Variants in IMMP2L observed in about 807,000 individuals in gnomAD.
IMMP2L encodes mitochondrial inner membrane protease subunit 2.
In IMMP2L, 18 loss-of-function variants were observed where a neutral mutation model predicts 19.3. That is an observed-to-expected ratio of 0.93 (90% CI 0.64 to 1.38). IMMP2L has a LOEUF of 1.38. IMMP2L is among the 40% of genes most tolerant of loss of function. The probability of loss-of-function intolerance (pLI) is 0.00; values close to 1 mark genes in which losing one functional copy is unlikely to be tolerated. For synonymous variants in IMMP2L, 76 were observed against 73.0 expected (o/e 1.04, Z -0.21); for missense variants, 233 against 218.2 (o/e 1.07, Z -0.43).
chr7:111,365,494 T>C (rs1829681947), intron 3 of IMMP2L, among the ~76,000 whole-genome samples: 1 of 152,042 alleles, frequency 6.6e-6, no homozygotes, highest in Non-Finnish European at 1.5e-5. Context: ...CTATGATAAA[T>C]ATATAAAGGA....
intron 3 of IMMP2L, among the ~76,000 whole-genome samples, chr7:111,112,017 G>C (rs1448115904): frequency 1.5e-5 from 2 of 136,394 alleles, no homozygotes; most frequent in Non-Finnish European, 3.0e-5. Flanking sequence ...GTGCGATCTC[G>C]GCTCACTGCA....
chr7:111,226,904 A>G (rs1813168172), intron 3 of IMMP2L, among the ~76,000 whole-genome samples: 1 of 152,086 alleles, frequency 6.6e-6, no homozygotes, highest in South Asian at 2.1e-4. Context: ...TACATAGAAA[A>G]TACATGAGCA....
intron 3 of IMMP2L, among the ~76,000 whole-genome samples, chr7:111,255,635 A>G (rs1265893303): frequency 6.6e-6 from 1 of 152,044 alleles, no homozygotes; most frequent in Non-Finnish European, 1.5e-5. Flanking sequence ...ACAAGTTTAC[A>G]GAAGAGGAAA....
At chr7:110,770,340 A>G (rs1373341518) in intron 5 of IMMP2L, among the ~76,000 whole-genome samples, 3 of 152,156 alleles carry the variant, frequency 2.0e-5, no homozygotes, top group Admixed American at 2.0e-4. Flanking sequence ...ATATAATGGC[A>G]CTCATTAGTG....
chr7:111,094,487 T>C (rs1016237312), intron 3 of IMMP2L, among the ~76,000 whole-genome samples: 3 of 152,156 alleles, frequency 2.0e-5, no homozygotes, highest in African/African-American at 7.2e-5. Context: ...AAATGTTCCA[T>C]GTAGACCTGG....
chr7:110,857,677 A>C (rs1261200527), intron 5 of IMMP2L, among the ~76,000 whole-genome samples: 1 of 152,076 alleles, frequency 6.6e-6, no homozygotes, highest in African/African-American at 2.4e-5. Flanking sequence ...TACCACTTTA[A>C]GGGATTCAAA....
intron 3 of IMMP2L, among the ~76,000 whole-genome samples, chr7:111,000,304 A>G (rs1257124100): frequency 6.6e-6 from 1 of 152,166 alleles, no homozygotes; most frequent in Non-Finnish European, 1.5e-5. Flanking sequence ...AGGTAAGCAC[A>G]TATTCCAAGT....
intron 5 of IMMP2L, among the ~76,000 whole-genome samples, chr7:110,675,553 G>A (rs1290411081): frequency 6.6e-6 from 1 of 151,986 alleles, no homozygotes; most frequent in Admixed American, 6.6e-5. Flanking sequence ...ATTACTATTG[G>A]GTTAATAAAT....
intron 3 of IMMP2L, among the ~76,000 whole-genome samples, chr7:111,333,819 C>T (rs943123288): frequency 1.3e-5 from 2 of 152,084 alleles, no homozygotes; most frequent in Admixed American, 6.6e-5. Context: ...CTTTGTAATT[C>T]GGACTGGCTT....
intron 5 of IMMP2L, among the ~76,000 whole-genome samples, chr7:110,815,686 T>C (rs1249284252): frequency 1.3e-5 from 2 of 152,154 alleles, no homozygotes. Context: ...CTTCCTGGTT[T>C]AGTCTTGGGA....
At chr7:111,113,975 A>G (rs961132989) in intron 3 of IMMP2L, among the ~76,000 whole-genome samples, 1 of 152,212 alleles carries the variant, frequency 6.6e-6, no homozygotes, top group Non-Finnish European at 1.5e-5. Context: ...TGAAATGTGT[A>G]AAATACAAAT....
intron 5 of IMMP2L, among the ~76,000 whole-genome samples, chr7:110,716,164 G>A (rs1449785270): frequency 1.3e-5 from 2 of 151,738 alleles, no homozygotes; most frequent in African/African-American, 2.4e-5. Flanking sequence ...TCTGTCTGTC[G>A]TGCAAATGGA....
At chr7:110,944,369 C>A (rs545975019) in intron 4 of IMMP2L, among the ~76,000 whole-genome samples, 3 of 151,868 alleles carry the variant, frequency 2.0e-5, no homozygotes, top group Non-Finnish European at 4.4e-5. Context: ...GGATCTGCCA[C>A]ATTCAGGATA....
At chr7:111,242,515 G>GA (rs1461193812) in intron 3 of IMMP2L, among the ~76,000 whole-genome samples, 2 of 152,058 alleles carry the variant, frequency 1.3e-5, no homozygotes, top group African/African-American at 2.4e-5. Context: ...TTGGAGTGGG[G>GA]AAAAAAATCC....
chr7:110,807,332 C>A (rs1475931074), intron 5 of IMMP2L, among the ~76,000 whole-genome samples: 2 of 151,852 alleles, frequency 1.3e-5, no homozygotes, highest in Non-Finnish European at 2.9e-5. Context: ...ATTTCTTTGG[C>A]CATTAAAAAA....
At chr7:111,458,734 C>A (rs1309489096) in intron 3 of IMMP2L, among the ~76,000 whole-genome samples, 2 of 152,134 alleles carry the variant, frequency 1.3e-5, no homozygotes, top group Non-Finnish European at 2.9e-5. Flanking sequence ...CACAGCTCAT[C>A]TGCTTCCACA....
chr7:110,672,382 C>T (rs1791981938), intron 5 of IMMP2L, among the ~76,000 whole-genome samples: 1 of 152,126 alleles, frequency 6.6e-6, no homozygotes. Flanking sequence ...AATTACAATT[C>T]AGGATGAGAT....
intron 3 of IMMP2L, among the ~76,000 whole-genome samples, chr7:111,273,104 C>T (rs981301229): frequency 1.3e-5 from 2 of 151,916 alleles, no homozygotes; most frequent in Middle Eastern, 3.2e-3. Context: ...ATGGTGAAAC[C>T]CCATCTCTAC....
At chr7:111,109,858 G>A (rs1363959060) in intron 3 of IMMP2L, among the ~76,000 whole-genome samples, 1 of 152,198 alleles carries the variant, frequency 6.6e-6, no homozygotes, top group Non-Finnish European at 1.5e-5. Context: ...TTCAGGGGCT[G>A]GGCGCGGTGG....
Sources: gnomAD v4.1 joint callset for allele counts (sites outside exome capture counted in the v4.1 genomes callset) on GRCh38, gnomAD v4.1.1 for gene constraint, MANE v1.5 for transcripts, NCBI Gene and HGNC (gene_info 2026-07-23, HGNC 2026-07-21) for gene names.